Variants in DGCR2 observed in about 807,000 individuals in gnomAD.
The protein encoded by DGCR2 is DiGeorge syndrome critical region gene 2, also known as integral membrane protein DGCR2/IDD.
Under a neutral mutation model 51.6 loss-of-function variants are expected in DGCR2, and 24 were observed. That is an observed-to-expected ratio of 0.47 (90% confidence interval 0.34 to 0.65). The LOEUF (loss-of-function observed/expected upper bound fraction) is 0.65. Among genes scored for constraint, DGCR2 ranks in the 30% least tolerant of loss-of-function variants. The pLI, the probability that DGCR2 is intolerant of heterozygous loss-of-function variation, is 0.01. For synonymous variants in DGCR2, 340 were observed against 315.4 expected, an observed-to-expected ratio of 1.08 and a Z score of -0.82; for missense variants, 765 against 772.1, an observed-to-expected ratio of 0.99 and a Z score of 0.11.
intron 2 of DGCR2, among the ~76,000 whole-genome samples, chr22:19,068,655 G>A (rs2082778494): frequency 6.6e-6 from 1 of 152,174 alleles, no homozygotes; most frequent in Non-Finnish European, 1.5e-5. Context: ...AGACCCACGT[G>A]TGCAACCTTC....
chr22:19,106,201 C>T (rs878884357), intron 1 of DGCR2, among the ~76,000 whole-genome samples: 3 of 152,234 alleles, frequency 2.0e-5, no homozygotes, highest in Admixed American at 1.3e-4. Context: ...CTGCCTATCC[C>T]TCCTGACTTC....
chr22:19,117,701 T>C (rs909862373), intron 1 of DGCR2, among the ~76,000 whole-genome samples: 2 of 152,206 alleles, frequency 1.3e-5, no homozygotes, highest in South Asian at 2.1e-4. Context: ...GATATGCAGG[T>C]GTTCTCTGCA....
At chr22:19,041,581 T>TGACCCTCAGAGGCCTCC (rs1416610199) in intron 8 of DGCR2, 4 of 609,578 alleles carry the variant, frequency 6.6e-6, no homozygotes, top group Non-Finnish European at 1.1e-5. Context: ...TCCGGGCCTC[T>TGACCCTCAGAGGCCTCC]GACCCTCAGA....
At position 19,062,776 on chromosome 22, in the gene DGCR2, C is replaced by CTGTCTCTG. The variant is rs1555903878; in HGVS notation, c.625+425_625+426insCAGAGACA. 1.6e-4 allele frequency among the ~76,000 whole-genome samples: 20 copies of CTGTCTCTG among 123,316 alleles called. 1 individual carries two copies. The highest frequency in any genetic ancestry group is 4.0e-3 in the Middle Eastern group (1 of 252). The allele number at this position is 123,316 out of a possible 152,430, so 80.9% of individuals were successfully genotyped here. ...CTTTGCGCACACACACACATGCATG[C>CTGTCTCTG]TCACTCTCTCTCTCTCTCTCTCTCT... is the stretch of plus-strand genomic sequence containing the variant. On this transcript the variant is annotated intron_variant, in intron 5 of 9. Coordinates refer to ENST00000263196, the MANE Select transcript of DGCR2 (RefSeq NM_005137.3).
rs1216013155 is a variant in DGCR2 at position 19,048,429 on chromosome 22, A to G, written c.1006+11T>C. On this transcript the variant is annotated intron_variant, in intron 7 of 9. Coordinates refer to ENST00000263196, the MANE Select transcript of DGCR2 (RefSeq NM_005137.3). ...GGAGGCTGACTTGGGACGTCCTATC[A>G]AGAGTCTCACCTGGGTCCAGACACA... 6.2e-7 allele frequency: 1 copy of G among 1,614,016 alleles called. No individual in the cohort carries two copies. The highest frequency in any genetic ancestry group is 1.3e-5 in the African/African-American group (1 of 75,042).
intron 6 of DGCR2, among the ~76,000 whole-genome samples, chr22:19,049,037 C>T (rs1301989918): frequency 6.6e-6 from 1 of 152,218 alleles, no homozygotes; most frequent in Non-Finnish European, 1.5e-5. Flanking sequence ...CACTACAACA[C>T]TGTTAGAACA....
intron 2 of DGCR2, among the ~76,000 whole-genome samples, chr22:19,078,284 T>C (rs892581430): frequency 6.6e-6 from 1 of 152,234 alleles, no homozygotes; most frequent in African/African-American, 2.4e-5. Context: ...ATAAATCTGT[T>C]ATAAGTTGAG....
In DGCR2 at chr22:19,041,842, C is replaced by T. The variant is rs766794546; in HGVS notation, c.1124G>A (p.Arg375His). 21 of 1,612,840 alleles carry T rather than the reference C, an allele frequency of 1.3e-5. No individual in the cohort carries two copies. The highest frequency in any genetic ancestry group is 6.7e-5 in the Admixed American group (4 of 60,020). The change falls in exon 8 of 10, where the codon CGC becomes CAC. Residue 375 changes from arginine (R) to histidine (H), a missense_variant. By Grantham distance (29) the Arg-to-His change is conservative (BLOSUM62 0). Coordinates refer to ENST00000263196, the MANE Select transcript of DGCR2 (RefSeq NM_005137.3). The part of the protein sequence containing the change: ...LFMVHRLRQR[R>H]RERIESLIGA... Reference sequence around the variant, plus strand: ...AATCAGGGACTCGATGCGCTCCCGGCGCCGCTGGCGCAGCCGGTGGACCAT... The same window carrying T: ...AATCAGGGACTCGATGCGCTCCCGGTGCCGCTGGCGCAGCCGGTGGACCAT...
chr22:19,038,524 A>T lies in DGCR2; in HGVS notation c.*341T>A. 1 of 305,144 alleles carries T rather than the reference A, an allele frequency of 3.3e-6. No homozygotes were observed. Among genetic ancestry groups the T allele is most frequent in the Non-Finnish European group, 6.1e-6 (1 of 163,148 alleles). 18.9% of individuals were successfully genotyped at this position (305,144 alleles called of 1,614,324 possible). ...ACTGCACCAAGTAAGCCCACCAAAA[A>T]CGCATCAGGTGTGGCCATGGCCCAC... On this transcript the variant is annotated 3_prime_UTR_variant, in exon 10 of 10. Coordinates refer to ENST00000263196, the MANE Select transcript of DGCR2 (RefSeq NM_005137.3).
At chr22:19,083,612 T>C (rs1280044764) in intron 2 of DGCR2, among the ~76,000 whole-genome samples, 2 of 152,064 alleles carry the variant, frequency 1.3e-5, no homozygotes, top group East Asian at 3.9e-4. Flanking sequence ...AAACTGCAAA[T>C]TTTTCTCCCT....
At chr22:19,053,430 G>A (rs192377197) in intron 6 of DGCR2, among the ~76,000 whole-genome samples, 96 of 152,258 alleles carry the variant, frequency 6.3e-4, no homozygotes, top group African/African-American at 2.2e-3. Flanking sequence ...TGGCAAACCA[G>A]CCTCCACCCA....
Position 19,038,963 on chromosome 22 carries a change from C to G in DGCR2, c.1555G>C (p.Val519Leu), listed in dbSNP as rs138506410. The G allele has an allele frequency of 1.2e-6, 2 of 1,611,686 alleles. No individual in the cohort carries two copies. Among genetic ancestry groups the G allele is most frequent in the African/African-American group, 2.7e-5 (2 of 74,922 alleles). The change falls in exon 10 of 10, where the codon GTG (valine) becomes CTG (leucine). Residue 519 changes from valine (V) to leucine (L), a missense_variant. Transcript: ENST00000263196. ...DSADSSSALL[V>L]PPDPAQSGST... Reference sequence around the variant, plus strand: ...CCGCTCTGGGCAGGGTCAGGGGGCACGAGCAGGGCGCTGCTGCTGTCGGCA... The same window carrying G: ...CCGCTCTGGGCAGGGTCAGGGGGCAGGAGCAGGGCGCTGCTGCTGTCGGCA...
intron 1 of DGCR2, among the ~76,000 whole-genome samples, chr22:19,097,808 A>G (rs1330624318): frequency 6.6e-6 from 1 of 152,150 alleles, no homozygotes; most frequent in Non-Finnish European, 1.5e-5. Flanking sequence ...AAGAGTCTGT[A>G]AGGTGATGGG....
intron 6 of DGCR2, among the ~76,000 whole-genome samples, chr22:19,051,906 G>GT (rs2082552553): frequency 6.6e-6 from 1 of 152,178 alleles, no homozygotes; most frequent in African/African-American, 2.4e-5. Context: ...ATACCTAACA[G>GT]AAGGGCTAAG....
At chr22:19,049,617 A>C (rs2082527369) in intron 6 of DGCR2, among the ~76,000 whole-genome samples, 1 of 152,184 alleles carries the variant, frequency 6.6e-6, no homozygotes. Context: ...GCCTGAGGTC[A>C]GGAGTTCAAG....
In DGCR2 at chr22:19,115,452, C is replaced by T. The variant is rs1271297618; in HGVS notation, c.79+6676G>A. On this transcript the variant is annotated intron_variant, in intron 1 of 9. Coordinates refer to ENST00000263196, the MANE Select transcript of DGCR2 (RefSeq NM_005137.3). ...GGGCCCAGGCCAGCTGGCTCCACAG[C>T]CATGTCCCCTACCCCCGGATCCCAT... is the stretch of plus-strand genomic sequence containing the variant. Among the ~76,000 whole-genome samples, 3 of 152,222 alleles carry T rather than the reference C, an allele frequency of 2.0e-5. No homozygotes were observed. The East Asian group carries it at 5.8e-4, about 29-fold the overall frequency.
At chr22:19,063,060 C>G in intron 5 of DGCR2, 142 bp downstream of exon 5, 1 of 722,038 alleles carries the variant, frequency 1.4e-6, no homozygotes. Context: ...TGACCGCAGC[C>G]CTCCCTGCAA....
intron 3 of DGCR2, chr22:19,065,966 G>C (rs1348297251): frequency 6.6e-6 from 1 of 152,116 alleles, no homozygotes; most frequent in African/African-American, 2.4e-5. Context: ...ATGTGTGTGT[G>C]TGACTTCTTC....
At chr22:19,113,314 G>A (rs1342458952) in intron 1 of DGCR2, among the ~76,000 whole-genome samples, 1 of 151,846 alleles carries the variant, frequency 6.6e-6, no homozygotes, top group East Asian at 1.9e-4. Context: ...AGGTTGCAGT[G>A]AGCCGAGATC....
Sources: gnomAD v4.1 joint callset for allele counts (sites outside exome capture counted in the v4.1 genomes callset) on GRCh38, gnomAD v4.1.1 for gene constraint, MANE v1.5 for transcripts, NCBI Gene and HGNC (gene_info 2026-07-23, HGNC 2026-07-21) for gene names.